Variants in ASCC3 observed in about 807,000 individuals in gnomAD.
ASCC3 encodes ASC-1 complex subunit P200.
ASCC3 carries 158 observed loss-of-function variants against 256.3 expected under a neutral mutation model. The observed-to-expected ratio is 0.62, with a 90% CI of 0.54 to 0.70. The LOEUF (loss-of-function observed/expected upper bound fraction) is 0.70, where lower values mean the gene tolerates loss of function less well. Ranked by LOEUF, ASCC3 falls within the 30% of genes least tolerant of loss-of-function variation. The probability of loss-of-function intolerance (pLI) is 0.00; values close to 1 mark genes in which losing one functional copy is unlikely to be tolerated. For synonymous variants in ASCC3, 948 were observed against 883.4 expected (o/e 1.07, Z -1.30); for missense variants, 2,259 against 2,626.0 (o/e 0.86, Z 3.05).
At chr6:100,652,587 A>G (rs562784385) in intron 18 of ASCC3, 138 bp downstream of exon 18, 215 of 888,754 alleles carry the variant, frequency 2.4e-4, no homozygotes, top group Admixed American at 7.0e-4. Flanking sequence ...GTCTTTACTG[A>G]GGGTATACTG....
intron 10 of ASCC3, among the ~76,000 whole-genome samples, chr6:100,739,376 A>T (rs1055273990): frequency 2.6e-5 from 4 of 152,196 alleles, no homozygotes; most frequent in African/African-American, 9.6e-5. Flanking sequence ...ACCGAAGCTC[A>T]TCAAGGATGT....
chr6:100,526,189 T>C (rs1774569355), intron 37 of ASCC3, among the ~76,000 whole-genome samples: 1 of 152,216 alleles, frequency 6.6e-6, no homozygotes, highest in Non-Finnish European at 1.5e-5. Flanking sequence ...GAGCTGTAAC[T>C]ATGAGTAAAA....
chr6:100,685,517 T>G (rs2114974718), intron 13 of ASCC3, among the ~76,000 whole-genome samples: 1 of 152,346 alleles, frequency 6.6e-6, no homozygotes, highest in East Asian at 1.9e-4. Flanking sequence ...GCCATTTGTT[T>G]TAACAAGCCC....
Position 100,773,188 on chromosome 6 carries a change from T to C in ASCC3, c.1396-5843A>G, listed in dbSNP as rs141506675. 4.0e-4 allele frequency among the ~76,000 whole-genome samples: 61 copies of C among 152,280 alleles called. 1 individual carries two copies. Among genetic ancestry groups the C allele is most frequent in the African/African-American group, 1.4e-3 (60 of 41,576 alleles). On this transcript the variant is annotated intron_variant, in intron 8 of 41. Transcript: ENST00000369162. ...AATTAGATAATATTTATAAATCATATACTATAAACCATACACAGAGATGGT... is the reference window on the plus strand; with the variant it reads ...AATTAGATAATATTTATAAATCATACACTATAAACCATACACAGAGATGGT...
At chr6:100,517,849 A>G in intron 38 of ASCC3, 142 bp downstream of exon 38, 1 of 909,958 alleles carries the variant, frequency 1.1e-6, no homozygotes, top group Non-Finnish European at 1.7e-6. Context: ...TCACTTGGCC[A>G]TGTCTCACTC....
chr6:100,543,826 T>C (rs1367563831), intron 36 of ASCC3, among the ~76,000 whole-genome samples: 1 of 152,080 alleles, frequency 6.6e-6, no homozygotes, highest in African/African-American at 2.4e-5. Flanking sequence ...AGCAAGAATA[T>C]AGAATTGAAC....
intron 36 of ASCC3, among the ~76,000 whole-genome samples, chr6:100,585,478 C>T (rs984581725): frequency 8.5e-5 from 13 of 152,270 alleles, no homozygotes; most frequent in South Asian, 4.1e-4. Context: ...GTTATACATT[C>T]GTCTAAATTT....
At position 100,540,317 on chromosome 6, in the gene ASCC3, C is replaced by T; in HGVS notation, c.5621G>A (p.Cys1874Tyr). The T allele has an allele frequency of 1.2e-6, 2 of 1,612,056 alleles. No homozygotes were observed. Among genetic ancestry groups the T allele is most frequent in the South Asian group, 1.1e-5 (1 of 90,964 alleles). ...EDHMNSELAKCLPIESNPHSF... is the reference protein window; with the variant it reads ...EDHMNSELAKYLPIESNPHSF... ...ATGAGGATTTGATTCAATGGGAAGA[C>T]ATTTTGCCAGTTCACTATTCATATG... Residue 1874 changes from cysteine (C) to tyrosine (Y), a missense_variant, in exon 37 of 42, where the codon TGT becomes TAT. By Grantham distance (194) the Cys-to-Tyr change is radical (BLOSUM62 -2). Transcript: ENST00000369162.
intron 36 of ASCC3, among the ~76,000 whole-genome samples, chr6:100,585,597 C>A (rs547738745): frequency 6.6e-6 from 1 of 152,218 alleles, no homozygotes; most frequent in Non-Finnish European, 1.5e-5. Flanking sequence ...GTCATTCTCC[C>A]TCCAGCTTTG....
In ASCC3 at chr6:100,814,367, A is replaced by G. The variant is rs1385488255; in HGVS notation, c.802-8487T>C. ...CAGTATTTTGTGGAGAATTTTTGCAATGTTTATCAAGGATATAGGCCTGAA... is the reference window on the plus strand; with the variant it reads ...CAGTATTTTGTGGAGAATTTTTGCAGTGTTTATCAAGGATATAGGCCTGAA... On this transcript the variant is annotated intron_variant, in intron 4 of 41. Transcript: ENST00000369162. Among the ~76,000 whole-genome samples, 3 of 152,094 alleles carry G rather than the reference A, an allele frequency of 2.0e-5. No homozygotes were observed. The East Asian group carries it at 5.8e-4, about 29-fold the overall frequency.
rs770234865 is a variant in ASCC3, at chr6:100,607,079, T to A, written c.4795A>T (p.Ile1599Phe). Reference protein sequence around the residue: ...LNMDEREMENIIATVRDSNLK... With the variant: ...LNMDEREMENFIATVRDSNLK... The stretch of plus-strand genomic sequence containing the variant: ...TTGGAATCTCTTACTGTTGCAATGA[T>A]GTTCTCCATCTGCAAGTAAAAACAA... Residue 1599 changes from isoleucine (I) to phenylalanine (F), a missense_variant, in exon 31 of 42, where the codon ATC (isoleucine) becomes TTC (phenylalanine). Around this residue, in one of 2 missense-constraint regions of ASCC3, gnomAD observed 1,839 missense variants for 2,206.7 expected, o/e 0.83. Coordinates refer to ENST00000369162, the MANE Select transcript of ASCC3 (RefSeq NM_006828.4). The A allele has an allele frequency of 1.1e-5, 17 of 1,613,648 alleles. No individual in the cohort carries two copies. Among genetic ancestry groups the A allele is most frequent in the Non-Finnish European group, 1.4e-5 (16 of 1,179,742 alleles).
intron 8 of ASCC3, among the ~76,000 whole-genome samples, chr6:100,768,130 T>C (rs1392427029): frequency 6.6e-6 from 1 of 152,196 alleles, no homozygotes; most frequent in East Asian, 1.9e-4. Context: ...AAAAAAACCT[T>C]TTTTTAAAAC....
At chr6:100,515,470 G>A (rs539286988) in intron 39 of ASCC3, among the ~76,000 whole-genome samples, 4 of 152,160 alleles carry the variant, frequency 2.6e-5, no homozygotes, top group Admixed American at 1.3e-4. Flanking sequence ...AATCCTGAAC[G>A]TTTACTTTGA....
chr6:100,604,950 GGTTATTTTCAGCT>G (rs1772808422), intron 33 of ASCC3, among the ~76,000 whole-genome samples: 1 of 152,016 alleles, frequency 6.6e-6, no homozygotes, highest in Non-Finnish European at 1.5e-5. Context: ...AAGGAAGAAA[GGTTATTTTCAGCT>G]GAGAATACAA....
At chr6:100,693,571 T>C (rs1044061021) in intron 13 of ASCC3, among the ~76,000 whole-genome samples, 2 of 152,198 alleles carry the variant, frequency 1.3e-5, no homozygotes, top group African/African-American at 4.8e-5. Flanking sequence ...AGTATTCACT[T>C]AGTATAGACA....
In ASCC3 at chr6:100,838,643, A is replaced by G. The variant is rs138351047; in HGVS notation, c.801+9505T>C. Among the ~76,000 whole-genome samples, 966 of 152,228 alleles carry G rather than the reference A, an allele frequency of 6.3e-3. 14 individuals are homozygous for G. Among genetic ancestry groups the G allele is most frequent in the African/African-American group, 0.022 (915 of 41,586 alleles). On this transcript the variant is annotated intron_variant, in intron 4 of 41. Coordinates refer to ENST00000369162, the MANE Select transcript of ASCC3 (RefSeq NM_006828.4). ...GGTCACTTACAACTTAATTAAGACA[A>G]CTTGGAATGTGAACACTATTTATTC...
intron 10 of ASCC3, among the ~76,000 whole-genome samples, chr6:100,747,868 G>A (rs887937757): frequency 1.3e-5 from 2 of 151,932 alleles, no homozygotes; most frequent in Non-Finnish European, 2.9e-5. Context: ...GATATAAAAT[G>A]TTTAAAGATC....
intron 4 of ASCC3, among the ~76,000 whole-genome samples, chr6:100,834,286 A>C (rs1262862312): frequency 1.3e-5 from 2 of 152,200 alleles, no homozygotes; most frequent in East Asian, 1.9e-4. Flanking sequence ...AGAATATTTC[A>C]AATGTTAGCA....
At chr6:100,797,636 C>T (rs1366045335) in intron 8 of ASCC3, among the ~76,000 whole-genome samples, 2 of 151,832 alleles carry the variant, frequency 1.3e-5, no homozygotes, top group African/African-American at 4.8e-5. Context: ...ATTGTAGAAT[C>T]ACCCATAGAG....
Sources: allele counts gnomAD v4.1 joint callset (sites outside exome capture counted in the v4.1 genomes callset), GRCh38; gene constraint gnomAD v4.1.1; regional missense constraint gnomAD v4.1.1; transcripts MANE v1.5; gene names NCBI Gene and HGNC (gene_info 2026-07-23, HGNC 2026-07-21).